Variants in LHFPL6 observed in about 807,000 individuals in gnomAD.
The protein encoded by LHFPL6 is LHFPL tetraspan subfamily member 6 protein.
A neutral mutation model predicts 20.6 loss-of-function variants in LHFPL6; 9 were observed. The ratio of observed to expected loss-of-function variants is 0.44; its 90% CI spans 0.26 to 0.76. The LOEUF (loss-of-function observed/expected upper bound fraction) is 0.76. Ranked by LOEUF, LHFPL6 falls within the 30% of genes least tolerant of loss-of-function variation. The pLI is 0.20. For synonymous variants in LHFPL6, 105 were observed against 98.7 expected, an observed-to-expected ratio of 1.06 and a Z score of -0.38; for missense variants, 218 against 253.5, an observed-to-expected ratio of 0.86 and a Z score of 0.95.
At chr13:39,416,012 A>G (rs1205983981) in intron 2 of LHFPL6, among the ~76,000 whole-genome samples, 1 of 152,234 alleles carries the variant, frequency 6.6e-6, no homozygotes, top group African/African-American at 2.4e-5. Flanking sequence ...TAATGACAGA[A>G]TGGATGTGAA....
chr13:39,490,769 C>T (rs1868899258), intron 2 of LHFPL6, among the ~76,000 whole-genome samples: 1 of 152,172 alleles, frequency 6.6e-6, no homozygotes, highest in African/African-American at 2.4e-5. Context: ...GCTAAGGACA[C>T]AGTTTTTCTT....
At chr13:39,370,717 T>C (rs1340436156) in intron 3 of LHFPL6, among the ~76,000 whole-genome samples, 1 of 152,190 alleles carries the variant, frequency 6.6e-6, no homozygotes, top group African/African-American at 2.4e-5. Context: ...TGCACAGAGC[T>C]GCCTGGCCTG....
chr13:39,353,970 C>G (rs1054277497), intron 3 of LHFPL6, among the ~76,000 whole-genome samples: 18 of 152,124 alleles, frequency 1.2e-4, no homozygotes, highest in Admixed American at 1.2e-3. Context: ...TAGAATCTCA[C>G]AAATCCCATG....
At chr13:39,487,778 G>A (rs1323652638) in intron 2 of LHFPL6, among the ~76,000 whole-genome samples, 1 of 152,126 alleles carries the variant, frequency 6.6e-6, no homozygotes, top group Non-Finnish European at 1.5e-5. Context: ...GGAGGCTGAG[G>A]TTCACACCTG....
chr13:39,497,138 T>C (rs773953411), intron 2 of LHFPL6, among the ~76,000 whole-genome samples: 5 of 152,202 alleles, frequency 3.3e-5, no homozygotes, highest in Admixed American at 6.5e-5. Context: ...AATCTACTAA[T>C]GCGCTTTAAG....
intron 2 of LHFPL6, among the ~76,000 whole-genome samples, chr13:39,404,177 GTAGCCAGGTGATAA>G (rs1871059220): frequency 6.6e-6 from 1 of 152,134 alleles, no homozygotes; most frequent in African/African-American, 2.4e-5. Flanking sequence ...TTATAACCTA[GTAGCCAGGTGATAA>G]GGGAGTGGCT....
chr13:39,433,087 C>G (rs1871859891), intron 2 of LHFPL6, among the ~76,000 whole-genome samples: 1 of 152,194 alleles, frequency 6.6e-6, no homozygotes, highest in Non-Finnish European at 1.5e-5. Context: ...CAGATTGGAG[C>G]CTTATGCCAA....
chr13:39,526,170 G>A (rs140400949), intron 2 of LHFPL6, among the ~76,000 whole-genome samples: 12 of 152,292 alleles, frequency 7.9e-5, no homozygotes, highest in Non-Finnish European at 1.0e-4. Flanking sequence ...ATTGACTGAT[G>A]TAAGCCCCAG....
chr13:39,527,682 T>A (rs1341323236), intron 2 of LHFPL6, among the ~76,000 whole-genome samples: 1 of 152,212 alleles, frequency 6.6e-6, no homozygotes, highest in African/African-American at 2.4e-5. Flanking sequence ...GGGCTCCTTC[T>A]GGTTATATAC....
chr13:39,386,594 A>G (rs569941472), intron 2 of LHFPL6, among the ~76,000 whole-genome samples: 4 of 152,292 alleles, frequency 2.6e-5, no homozygotes, highest in African/African-American at 9.6e-5. Flanking sequence ...CTCACCACCC[A>G]TAATCTGAGT....
At chr13:39,464,917 C>A (rs1196866335) in intron 2 of LHFPL6, among the ~76,000 whole-genome samples, 1 of 152,024 alleles carries the variant, frequency 6.6e-6, no homozygotes, top group African/African-American at 2.4e-5. Context: ...CTGAAGAAGT[C>A]CTTCAGATAA....
chr13:39,415,956 G>T (rs1006529071), intron 2 of LHFPL6, among the ~76,000 whole-genome samples: 4 of 132,032 alleles, frequency 3.0e-5, no homozygotes, highest in African/African-American at 1.1e-4. Context: ...GGACTAGAAA[G>T]GTCCTTCAGA....
chr13:39,447,523 A>C (rs1240461047), intron 2 of LHFPL6, among the ~76,000 whole-genome samples: 68 of 152,204 alleles, frequency 4.5e-4, no homozygotes, highest in Non-Finnish European at 4.4e-5. Flanking sequence ...TGTGTGTCCT[A>C]AATGAAAAGC....
At chr13:39,553,891 T>G (rs1242467028) in intron 2 of LHFPL6, among the ~76,000 whole-genome samples, 1 of 152,066 alleles carries the variant, frequency 6.6e-6, no homozygotes, top group East Asian at 1.9e-4. Flanking sequence ...TGGCAGACAA[T>G]CAGTGAAAAA....
chr13:39,458,167 G>T (rs1296816408), intron 2 of LHFPL6, among the ~76,000 whole-genome samples: 3 of 152,082 alleles, frequency 2.0e-5, no homozygotes, highest in African/African-American at 7.2e-5. Flanking sequence ...AAGAAGGCGA[G>T]AGAAAAGGAT....
At chr13:39,583,805 C>T (rs1872362745) in intron 2 of LHFPL6, among the ~76,000 whole-genome samples, 1 of 152,186 alleles carries the variant, frequency 6.6e-6, no homozygotes, top group South Asian at 2.1e-4. Context: ...AACAAATCCT[C>T]AATGCAAGTC....
At chr13:39,508,042 G>T (rs2138471082) in intron 2 of LHFPL6, among the ~76,000 whole-genome samples, 2 of 146,804 alleles carry the variant, frequency 1.4e-5, no homozygotes, top group Admixed American at 1.4e-4. Context: ...TTTTTTTGAG[G>T]CAGAGTCACG....
chr13:39,525,800 A>G (rs1870267375), intron 2 of LHFPL6, among the ~76,000 whole-genome samples: 1 of 152,198 alleles, frequency 6.6e-6, no homozygotes, highest in Admixed American at 6.5e-5. Flanking sequence ...TGCAAAAGGC[A>G]TTTATTATCA....
chr13:39,574,449 C>G (rs751275471), intron 2 of LHFPL6, among the ~76,000 whole-genome samples: 3 of 148,310 alleles, frequency 2.0e-5, no homozygotes, highest in Non-Finnish European at 4.4e-5. Context: ...TGCCACTGCA[C>G]TCCAGCCTGG....
Sources: allele counts gnomAD v4.1 joint callset (sites outside exome capture counted in the v4.1 genomes callset), GRCh38; gene constraint gnomAD v4.1.1; transcripts MANE v1.5; gene names NCBI Gene and HGNC (gene_info 2026-07-23, HGNC 2026-07-21).